The following LRRIQ1 variants were observed in gnomAD, a reference collection of about 807,000 sequenced individuals.
LRRIQ1 encodes the protein leucine-rich repeat- and IQ domain-containing protein 1.
Under a neutral mutation model 211.9 loss-of-function variants are expected in LRRIQ1, and 210 were observed. The observed-to-expected ratio is 0.99, with a 90% CI of 0.89 to 1.11. The LOEUF (loss-of-function observed/expected upper bound fraction) is 1.11, where lower values mean the gene tolerates loss of function less well. LRRIQ1 is among the 50% of genes most tolerant of loss of function. The pLI, the probability that LRRIQ1 is intolerant of heterozygous loss-of-function variation, is 0.00. For missense variants in LRRIQ1, 2,136 were observed against 1,939.5 expected (o/e 1.10, Z -1.90); for synonymous variants, 699 against 650.1 (o/e 1.08, Z -1.14).
intron 11 of LRRIQ1, among the ~76,000 whole-genome samples, chr12:85,080,416 A>G (rs1443573264): frequency 1.3e-5 from 2 of 151,666 alleles, no homozygotes; most frequent in South Asian, 2.1e-4. Flanking sequence ...ATTTAATGTA[A>G]TATAGAGGGC....
At chr12:85,045,197 C>T (rs1240923659) in intron 4 of LRRIQ1, among the ~76,000 whole-genome samples, 1 of 151,728 alleles carries the variant, frequency 6.6e-6, no homozygotes, top group Non-Finnish European at 1.5e-5. Context: ...TTTAAATTTA[C>T]AATACTTTAT....
chr12:85,257,295 G>T (rs1307361358), intron 1 of LRRIQ1, among the ~76,000 whole-genome samples: 1 of 141,268 alleles, frequency 7.1e-6, no homozygotes, highest in African/African-American at 2.6e-5. Flanking sequence ...TTATGCCATT[G>T]TTCTTTAATT....
intron 26 of LRRIQ1, chr12:85,232,991 G>A (rs1895019199): frequency 1.4e-5 from 6 of 426,930 alleles, no homozygotes; most frequent in African/African-American, 2.1e-5. Context: ...AAAAATATTA[G>A]CATCCTACAA....
intron 26 of LRRIQ1, among the ~76,000 whole-genome samples, chr12:85,237,250 C>T (rs1174860493): frequency 6.6e-6 from 1 of 151,926 alleles, no homozygotes; most frequent in African/African-American, 2.4e-5. Flanking sequence ...GGACTATGAT[C>T]CCTGAGATAA....
At chr12:85,229,473 G>C in intron 24 of LRRIQ1, 44 bp from the exon 25 acceptor site, 1 of 1,519,608 alleles carries the variant, frequency 6.6e-7, no homozygotes, top group South Asian at 1.3e-5. Context: ...GCCAAAGTTT[G>C]GTCTCTTTAA....
intron 23 of LRRIQ1, among the ~76,000 whole-genome samples, chr12:85,156,214 A>G (rs893042915): frequency 1.9e-4 from 29 of 151,856 alleles, no homozygotes; most frequent in Middle Eastern, 3.4e-3. Context: ...TTATCAATAT[A>G]TTAGAATAAT....
chr12:85,215,396 A>G (rs1194325652), intron 24 of LRRIQ1, among the ~76,000 whole-genome samples: 2 of 152,186 alleles, frequency 1.3e-5, no homozygotes. Flanking sequence ...CCGGTTTGTT[A>G]CATAGCTAGA....
At position 85,081,453 on chromosome 12, in the gene LRRIQ1, T is replaced by G. The variant is rs572330559; in HGVS notation, c.2887+8355T>G. On this transcript the variant is annotated intron_variant, in intron 11 of 26. Transcript: ENST00000393217. The stretch of plus-strand genomic sequence containing the variant: ...GTTGTCTTCTTTTGGATTGGCTTTT[T>G]TTTTTGTCATTTCTTGTTTTATTCA... 3.9e-5 allele frequency among the ~76,000 whole-genome samples: 6 copies of G among 152,024 alleles called. No individual in the cohort carries two copies. In the South Asian group the frequency reaches 1.2e-3, roughly 32 times the overall value.
chr12:85,056,867 G>A lies in LRRIQ1; in HGVS notation c.2074G>A (p.Ala692Thr), dbSNP rs1881156006. The change falls in exon 8 of 27, where the codon GCA (alanine) becomes ACA (threonine). Residue 692 changes from alanine to threonine, a missense_variant. Physicochemically the swap from Ala to Thr is moderately conservative, Grantham distance 58. Coordinates refer to ENST00000393217, the MANE Select transcript of LRRIQ1 (RefSeq NM_001079910.2). ...APCEGLSNYN[A>T]ESSMVSKEVN... Reference sequence around the variant, plus strand: ...TTGTGAGGGCTTGAGTAACTATAATGCAGAAAGCTCCATGGTATCTAAAGA... The same window carrying A: ...TTGTGAGGGCTTGAGTAACTATAATACAGAAAGCTCCATGGTATCTAAAGA... 1.2e-6 allele frequency: 2 copies of A among 1,613,364 alleles called. No homozygotes were observed. Among genetic ancestry groups the A allele is most frequent in the Non-Finnish European group, 1.7e-6 (2 of 1,179,598 alleles).
At chr12:85,118,521 T>C (rs1322871167) in intron 15 of LRRIQ1, among the ~76,000 whole-genome samples, 1 of 151,408 alleles carries the variant, frequency 6.6e-6, no homozygotes. Flanking sequence ...TTTTTGCTTT[T>C]ATAGAGGAAA....
At chr12:85,112,436 A>G (rs1887248205) in intron 15 of LRRIQ1, among the ~76,000 whole-genome samples, 1 of 149,646 alleles carries the variant, frequency 6.7e-6, no homozygotes, top group Non-Finnish European at 1.5e-5. Flanking sequence ...TGGAATATAT[A>G]TTGTTTTCCC....
intron 24 of LRRIQ1, among the ~76,000 whole-genome samples, chr12:85,164,236 A>G (rs1258796577): frequency 1.3e-5 from 2 of 152,102 alleles, no homozygotes; most frequent in Admixed American, 6.5e-5. Flanking sequence ...CTCTGACATC[A>G]TTTATATTCA....
intron 17 of LRRIQ1, among the ~76,000 whole-genome samples, chr12:85,125,423 G>A (rs1479028062): frequency 6.6e-6 from 1 of 152,028 alleles, no homozygotes; most frequent in Non-Finnish European, 1.5e-5. Flanking sequence ...CAAGGATTAG[G>A]TTTTACTTTG....
intron 13 of LRRIQ1, among the ~76,000 whole-genome samples, chr12:85,103,540 C>A (rs897152779): frequency 2.6e-5 from 4 of 151,550 alleles, no homozygotes; most frequent in African/African-American, 9.7e-5. Flanking sequence ...GTAATTTCTC[C>A]TGTTGAAAAG....
intron 15 of LRRIQ1, among the ~76,000 whole-genome samples, chr12:85,121,447 T>C (rs1887978380): frequency 6.6e-6 from 1 of 152,192 alleles, no homozygotes. Flanking sequence ...AATCTTTCAT[T>C]TGTGTTTTAG....
chr12:85,172,604 G>A (rs1279412370), intron 24 of LRRIQ1, among the ~76,000 whole-genome samples: 1 of 152,074 alleles, frequency 6.6e-6, no homozygotes, highest in Non-Finnish European at 1.5e-5. Flanking sequence ...TTTCTGTGGA[G>A]GTATTTTTAA....
intron 16 of LRRIQ1, 39 bp from the exon 17 acceptor site, chr12:85,124,031 A>G: frequency 6.8e-7 from 1 of 1,463,912 alleles, no homozygotes. Context: ...ATTTGCTGGT[A>G]CTATTCTTAT....
At chr12:85,103,914 T>G in intron 13 of LRRIQ1, 90 bp from the exon 14 acceptor site, 2 of 520,850 alleles carry the variant, frequency 3.8e-6, no homozygotes, top group Non-Finnish European at 6.6e-6. Flanking sequence ...TATAATTGTA[T>G]TATAAAAATG....
chr12:85,232,635 C>T (rs542980627), intron 25 of LRRIQ1, 61 bp from the exon 26 acceptor site: 27 of 1,368,714 alleles, frequency 2.0e-5, no homozygotes, highest in Non-Finnish European at 2.8e-5. Context: ...TTGGACGTTT[C>T]TTTTATATGC....
Sources: allele counts gnomAD v4.1 joint callset (sites outside exome capture counted in the v4.1 genomes callset), GRCh38; gene constraint gnomAD v4.1.1; transcripts MANE v1.5; gene names NCBI Gene and HGNC (gene_info 2026-07-23, HGNC 2026-07-21).